The following OSTF1 variants were observed in gnomAD, a reference collection of about 807,000 sequenced individuals.
The protein encoded by OSTF1 is osteoclast-stimulating factor 1.
OSTF1 carries 27 observed loss-of-function variants against 37.2 expected under a neutral mutation model. That is an observed-to-expected ratio of 0.73 (90% CI 0.54 to 1.00). The LOEUF is 1.00. OSTF1 is among the 50% of genes least tolerant of loss of function. OSTF1 has a pLI of 0.00. For synonymous variants in OSTF1, 82 were observed against 89.2 expected, an observed-to-expected ratio of 0.92 and a Z score of 0.46; for missense variants, 232 against 253.8, an observed-to-expected ratio of 0.91 and a Z score of 0.58.
intron 9 of OSTF1, among the ~76,000 whole-genome samples, chr9:75,142,443 C>T (rs76131053): frequency 2.0e-5 from 3 of 152,092 alleles, no homozygotes; most frequent in Admixed American, 6.5e-5. Context: ...CTGTCCTGAC[C>T]GAAGAGTAAG....
chr9:75,093,021 A>G (rs1407063484), intron 1 of OSTF1, among the ~76,000 whole-genome samples: 1 of 141,440 alleles, frequency 7.1e-6, no homozygotes, highest in Non-Finnish European at 1.5e-5. Flanking sequence ...TCTTTATGAT[A>G]CCCTCTTTCT....
intron 9 of OSTF1, among the ~76,000 whole-genome samples, chr9:75,145,563 T>G (rs1334941447): frequency 6.6e-6 from 1 of 152,202 alleles, no homozygotes; most frequent in Non-Finnish European, 1.5e-5. Context: ...AACATTCTAT[T>G]AGGAAAAGTT....
intron 1 of OSTF1, among the ~76,000 whole-genome samples, chr9:75,104,147 G>T (rs1398971065): frequency 6.6e-6 from 1 of 152,156 alleles, no homozygotes; most frequent in Non-Finnish European, 1.5e-5. Context: ...GGGAGACTGA[G>T]GTGGGATGAT....
At chr9:75,118,039 G>A (rs1400796710) in intron 2 of OSTF1, among the ~76,000 whole-genome samples, 1 of 152,156 alleles carries the variant, frequency 6.6e-6, no homozygotes, top group Non-Finnish European at 1.5e-5. Context: ...GCCAGACACT[G>A]GTCCAGGCCT....
At chr9:75,111,883 G>T (rs995696314) in intron 1 of OSTF1, among the ~76,000 whole-genome samples, 9 of 129,992 alleles carry the variant, frequency 6.9e-5, no homozygotes, top group African/African-American at 2.7e-4. Context: ...GAGTACAATG[G>T]TGTGATCTCG....
intron 1 of OSTF1, among the ~76,000 whole-genome samples, chr9:75,100,811 G>T (rs185047697): frequency 6.6e-6 from 1 of 152,004 alleles, no homozygotes. Context: ...CTGAAGGTAA[G>T]AATTTGACCG....
At chr9:75,139,044 T>C in intron 8 of OSTF1, among the ~76,000 whole-genome samples, 1 of 143,756 alleles carries the variant, frequency 7.0e-6, no homozygotes, top group South Asian at 2.2e-4. Flanking sequence ...CTTTCTTTCT[T>C]TCTTTCTTTC....
At chr9:75,095,798 A>G (rs1587435031) in intron 1 of OSTF1, among the ~76,000 whole-genome samples, 2 of 152,188 alleles carry the variant, frequency 1.3e-5, no homozygotes, top group South Asian at 4.1e-4. Flanking sequence ...CTCAGTGTTA[A>G]CAGTTGCTGT....
At position 75,088,719 on chromosome 9, in the gene OSTF1, C is replaced by A. The variant is rs1824859862; in HGVS notation, c.27C>A (p.Val9=). The A allele has an allele frequency of 1.2e-6, 2 of 1,608,968 alleles. No individual in the cohort carries two copies. Among genetic ancestry groups the A allele is most frequent in the Non-Finnish European group, 1.7e-6 (2 of 1,177,544 alleles). ...TGTCGAAGCCGCCACCCAAACCAGT[C>A]AAACCAGGTGAGGGAGGTAAGGTAG... MSKPPPKP[V]KPGQVKVFRA... The change falls in exon 1 of 10, where the codon GTC becomes GTA. Residue 9 remains valine (V), a synonymous_variant. Coordinates refer to ENST00000346234, the MANE Select transcript of OSTF1 (RefSeq NM_012383.5).
chr9:75,088,625 T>C lies in OSTF1; in HGVS notation c.-68T>C. On this transcript the variant is annotated 5_prime_UTR_variant, in exon 1 of 10. Coordinates refer to ENST00000346234, the MANE Select transcript of OSTF1 (RefSeq NM_012383.5). ...ACAAAAAGAACTGGGGTGCCCGGAG[T>C]GCCAGGTGGCGGGCAAGCGGTGGGC... 1 of 1,515,318 alleles carries C rather than the reference T, an allele frequency of 6.6e-7. No homozygotes were observed. The highest frequency in any genetic ancestry group is 1.2e-5 in the South Asian group (1 of 85,344). The allele number at this position is 1,515,318 out of a possible 1,614,324, so 93.9% of individuals were successfully genotyped here. A position where few individuals can be genotyped will look rare whatever the true frequency, so the allele number is the denominator to read the frequency against.
At chr9:75,095,296 A>C (rs1329537757) in intron 1 of OSTF1, among the ~76,000 whole-genome samples, 1 of 152,174 alleles carries the variant, frequency 6.6e-6, no homozygotes, top group Non-Finnish European at 1.5e-5. Flanking sequence ...GAAATTTCCA[A>C]ATCGCTTTTC....
At chr9:75,136,823 A>C (rs1170915920) in intron 7 of OSTF1, among the ~76,000 whole-genome samples, 1 of 152,134 alleles carries the variant, frequency 6.6e-6, no homozygotes, top group Non-Finnish European at 1.5e-5. Context: ...AATGCTAATG[A>C]AAGTGACACT....
Position 75,136,202 on chromosome 9 carries a change from C to G in OSTF1, c.409-1336C>G, listed in dbSNP as rs181370892. On this transcript the variant is annotated intron_variant, in intron 7 of 9. Transcript: ENST00000346234. ...TCTGATTGTTACTTTTACGTAGTATCTTTTTCTTGTTTCATGACACAATAT... is the reference window on the plus strand; with the variant it reads ...TCTGATTGTTACTTTTACGTAGTATGTTTTTCTTGTTTCATGACACAATAT... 2.0e-4 allele frequency among the ~76,000 whole-genome samples: 30 copies of G among 152,208 alleles called. No individual in the cohort carries two copies. In the East Asian group the frequency reaches 4.2e-3, roughly 22 times the overall value.
intron 1 of OSTF1, among the ~76,000 whole-genome samples, chr9:75,112,766 G>A (rs1207990039): frequency 6.6e-6 from 1 of 152,172 alleles, no homozygotes; most frequent in Non-Finnish European, 1.5e-5. Flanking sequence ...TAGTTCGCAT[G>A]GGATCTTGTT....
rs531834526 is a variant in OSTF1 at position 75,132,920 on chromosome 9, C to G, written c.251-374C>G. On this transcript the variant is annotated intron_variant, in intron 5 of 9. Transcript: ENST00000346234. ...TTCTTAGGTTTGATTGTTTTTTCCT[C>G]AATTTCCAGAATTTCACAAAGAAAA... Among the ~76,000 whole-genome samples, 9 of 151,662 alleles carry G rather than the reference C, an allele frequency of 5.9e-5. No homozygotes were observed. In the South Asian group the frequency reaches 6.2e-4, roughly 11 times the overall value.
rs893184355 is a variant in OSTF1 at position 75,130,478 on chromosome 9, C to A, written c.133-100C>A. 6.2e-6 allele frequency: 5 copies of A among 800,046 alleles called. No homozygotes were observed. The African/African-American group carries it at 8.5e-5, about 14-fold the overall frequency. The allele number at this position is 800,046 out of a possible 1,614,324, so 49.6% of individuals were successfully genotyped here. ...TGATAGTGTGGGTAGGGTTGATGGA[C>A]ATTTTGTAGAACAGGTACTCCCTAG... On this transcript the variant is annotated intron_variant, in intron 3 of 9. Coordinates refer to ENST00000346234, the MANE Select transcript of OSTF1 (RefSeq NM_012383.5).
chr9:75,096,155 G>A (rs1265631742), intron 1 of OSTF1, among the ~76,000 whole-genome samples: 1 of 152,166 alleles, frequency 6.6e-6, no homozygotes, highest in African/African-American at 2.4e-5. Context: ...GCCTCCCAAA[G>A]TGCTGGGATT....
At chr9:75,145,177 A>ATCTAATCTATCT (rs10701570) in intron 9 of OSTF1, among the ~76,000 whole-genome samples, 3 of 148,944 alleles carry the variant, frequency 2.0e-5, no homozygotes, top group Non-Finnish European at 4.5e-5. Flanking sequence ...CTATCTATCT[A>ATCTAATCTATCT]ATCTATCTAT....
intron 1 of OSTF1, among the ~76,000 whole-genome samples, chr9:75,093,352 T>C (rs1238088114): frequency 1.3e-5 from 2 of 152,160 alleles, no homozygotes; most frequent in Non-Finnish European, 1.5e-5. Flanking sequence ...AACAGAACTT[T>C]TGTTCTTGTA....
Sources: gnomAD v4.1 joint callset for allele counts (sites outside exome capture counted in the v4.1 genomes callset) on GRCh38, gnomAD v4.1.1 for gene constraint, MANE v1.5 for transcripts, NCBI Gene and HGNC (gene_info 2026-07-23, HGNC 2026-07-21) for gene names.